UBR3: variants seen among roughly 807,000 people sequenced by gnomAD.
UBR3 encodes ubiquitin protein ligase E3 component n-recognin 3.
In UBR3, 85 loss-of-function variants were observed where a neutral mutation model predicts 243.2. That is an observed-to-expected ratio of 0.35 (90% CI 0.29 to 0.42). The LOEUF (loss-of-function observed/expected upper bound fraction) is 0.42, where lower values mean the gene tolerates loss of function less well. UBR3 is among the 10% of genes least tolerant of loss of function. UBR3 has a pLI of 1.00. For missense variants in UBR3, 1,686 were observed against 2,300.8 expected (o/e 0.73, Z 5.47); for synonymous variants, 748 against 799.8 (o/e 0.94, Z 1.09).
chr2:169,873,251 CA>C (rs1035454207), intron 2 of UBR3, among the ~76,000 whole-genome samples: 7 of 152,120 alleles, frequency 4.6e-5, no homozygotes, highest in African/African-American at 1.7e-4. Flanking sequence ...ATAATGTCCT[CA>C]TTTCTAAAAC....
chr2:169,994,872 A>G (rs1488704350), intron 26 of UBR3, among the ~76,000 whole-genome samples: 2 of 152,086 alleles, frequency 1.3e-5, no homozygotes, highest in Non-Finnish European at 2.9e-5. Flanking sequence ...TACTTCTCAA[A>G]GATGTGCTGC....
chr2:169,893,108 A>G (rs1407302976), intron 6 of UBR3, among the ~76,000 whole-genome samples: 3 of 152,242 alleles, frequency 2.0e-5, no homozygotes, highest in Admixed American at 6.5e-5. Context: ...ATTACACAAT[A>G]TAACACGTGC....
At chr2:170,006,433 C>G (rs893566315) in intron 27 of UBR3, among the ~76,000 whole-genome samples, 2 of 152,156 alleles carry the variant, frequency 1.3e-5, no homozygotes, top group East Asian at 1.9e-4. Flanking sequence ...TCATAGTTCT[C>G]TTAGTCAAAG....
chr2:169,949,899 A>T lies in UBR3; in HGVS notation c.3379A>T (p.Ser1127Cys), dbSNP rs569204567. The stretch of plus-strand genomic sequence containing the variant: ...AATCCAACCAGAAATTCCTAAATAC[A>T]GTCATGGAGATGGTATAACTGCCGT... ...ILIQPEIPKY[S>C]HGDGITAVER... The change falls in exon 23 of 39, where the codon AGT becomes TGT. Residue 1127 changes from serine to cysteine, a missense_variant. Coordinates refer to ENST00000272793, the MANE Select transcript of UBR3 (RefSeq NM_172070.4). The T allele has an allele frequency of 6.2e-7, 1 of 1,612,722 alleles. No individual in the cohort carries two copies. The highest frequency in any genetic ancestry group is 1.3e-5 in the African/African-American group (1 of 75,028).
At chr2:169,927,509 G>T in intron 17 of UBR3, 104 bp downstream of exon 17, 3 of 841,398 alleles carry the variant, frequency 3.6e-6, no homozygotes, top group Non-Finnish European at 5.3e-6. Context: ...TTTCAAAGTT[G>T]AAAAATAATA....
At chr2:169,996,539 A>G (rs2089483312) in intron 26 of UBR3, among the ~76,000 whole-genome samples, 1 of 152,162 alleles carries the variant, frequency 6.6e-6, no homozygotes, top group Non-Finnish European at 1.5e-5. Flanking sequence ...TGGGTTAGGT[A>G]ATAAGGGTCA....
At chr2:169,990,298 AT>A (rs1559164058) in intron 25 of UBR3, among the ~76,000 whole-genome samples, 2 of 152,066 alleles carry the variant, frequency 1.3e-5, no homozygotes, top group Non-Finnish European at 2.9e-5. Flanking sequence ...CCATCTCATT[AT>A]TGCTCAGAAT....
intron 25 of UBR3, among the ~76,000 whole-genome samples, chr2:169,991,557 G>A (rs939908349): frequency 6.6e-6 from 1 of 152,068 alleles, no homozygotes; most frequent in Non-Finnish European, 1.5e-5. Context: ...CAAGTATGTG[G>A]AAATTAAACA....
At chr2:169,884,156 C>CTTT (rs757405113) in intron 5 of UBR3, among the ~76,000 whole-genome samples, 1 of 130,398 alleles carries the variant, frequency 7.7e-6, no homozygotes. Flanking sequence ...GGAGAGCTGA[C>CTTT]TTTTTTTTTT....
chr2:170,012,331 A>G (rs1002500045), intron 29 of UBR3, among the ~76,000 whole-genome samples: 1 of 152,144 alleles, frequency 6.6e-6, no homozygotes, highest in Non-Finnish European at 1.5e-5. Flanking sequence ...TTACATATCA[A>G]AAGAAAGATG....
At chr2:169,888,761 C>A (rs2084211130) in intron 5 of UBR3, among the ~76,000 whole-genome samples, 1 of 151,914 alleles carries the variant, frequency 6.6e-6, no homozygotes, top group South Asian at 2.1e-4. Context: ...TTTAAAATTC[C>A]CTGTTTTAAA....
chr2:169,968,774 T>G lies in UBR3; in HGVS notation c.3634+10248T>G, dbSNP rs987748243. On this transcript the variant is annotated intron_variant, in intron 24 of 38. Transcript: ENST00000272793. ...TTCTGAGGAACCTCCATACTGTTTTTCATAGTTGCTATACTAATTTACATT... is the reference window on the plus strand; with the variant it reads ...TTCTGAGGAACCTCCATACTGTTTTGCATAGTTGCTATACTAATTTACATT... 2.6e-5 allele frequency among the ~76,000 whole-genome samples: 4 copies of G among 152,194 alleles called. No homozygotes were observed. The East Asian group carries it at 7.7e-4, about 29-fold the overall frequency.
intron 5 of UBR3, among the ~76,000 whole-genome samples, chr2:169,890,279 GCTCCT>G (rs1319110369): frequency 1.3e-5 from 2 of 151,866 alleles, no homozygotes; most frequent in Non-Finnish European, 2.9e-5. Flanking sequence ...TGCCTTCTTT[GCTCCT>G]CTTCCCTCTG....
chr2:169,926,073 T>G (rs2085898490), intron 14 of UBR3, among the ~76,000 whole-genome samples: 1 of 149,880 alleles, frequency 6.7e-6, no homozygotes, highest in Non-Finnish European at 1.5e-5. Context: ...GCATAGGGGC[T>G]GTATCTGGCT....
intron 6 of UBR3, among the ~76,000 whole-genome samples, chr2:169,893,533 A>G (rs936641719): frequency 1.3e-5 from 2 of 152,238 alleles, no homozygotes; most frequent in Non-Finnish European, 2.9e-5. Context: ...GAATTAAATT[A>G]GGTACAGCAG....
intron 5 of UBR3, among the ~76,000 whole-genome samples, chr2:169,887,736 A>T (rs994345170): frequency 4.6e-5 from 7 of 152,072 alleles, no homozygotes; most frequent in African/African-American, 1.7e-4. Flanking sequence ...ACTCACTGTA[A>T]ACCTCTGACA....
At chr2:169,974,053 C>T (rs1574318933) in intron 24 of UBR3, among the ~76,000 whole-genome samples, 1 of 152,104 alleles carries the variant, frequency 6.6e-6, no homozygotes, top group Admixed American at 6.5e-5. Context: ...CACATTTGAT[C>T]ATGGTGAGTG....
chr2:169,851,811 C>T (rs1175630088), intron 1 of UBR3, among the ~76,000 whole-genome samples: 4 of 144,744 alleles, frequency 2.8e-5, no homozygotes, highest in Non-Finnish European at 5.9e-5. Flanking sequence ...GCACTCCAGC[C>T]TGGTGACAGA....
At chr2:169,846,094 A>G (rs1260301176) in intron 1 of UBR3, among the ~76,000 whole-genome samples, 2 of 152,012 alleles carry the variant, frequency 1.3e-5, no homozygotes, top group Admixed American at 6.6e-5. Flanking sequence ...ATTGTTGTTC[A>G]GGTCTTCTAT....
Sources: allele counts gnomAD v4.1 joint callset (sites outside exome capture counted in the v4.1 genomes callset), GRCh38; gene constraint gnomAD v4.1.1; transcripts MANE v1.5; gene names NCBI Gene and HGNC (gene_info 2026-07-23, HGNC 2026-07-21).